The following LIMK2 variants were observed in gnomAD, a reference collection of about 807,000 sequenced individuals.
LIMK2 encodes the protein LIM domain kinase 2.
LIMK2 carries 35 observed loss-of-function variants against 75.7 expected under a neutral mutation model. The observed-to-expected ratio is 0.46, with a 90% confidence interval of 0.35 to 0.61. LIMK2 has a LOEUF of 0.61. Among genes scored for constraint, LIMK2 ranks in the 20% least tolerant of loss-of-function variants. The probability of loss-of-function intolerance (pLI) is 0.00; values close to 1 mark genes in which losing one functional copy is unlikely to be tolerated. For synonymous variants in LIMK2, 301 were observed against 319.2 expected (o/e 0.94, Z 0.61); for missense variants, 623 against 831.0 (o/e 0.75, Z 3.08).
At chr22:31,220,946 A>G (rs1270995383) in intron 1 of LIMK2, among the ~76,000 whole-genome samples, 1 of 152,244 alleles carries the variant, frequency 6.6e-6, no homozygotes, top group Non-Finnish European at 1.5e-5. Context: ...CCTGGGCAAC[A>G]AAAGCAAAAC....
chr22:31,247,841 C>T lies in LIMK2; in HGVS notation c.117-10450C>T, dbSNP rs558434764. On this transcript the variant is annotated intron_variant, in intron 2 of 15. Transcript: ENST00000331728. Reference sequence around the variant, plus strand: ...GGGCCTTGTTTCCTTATTTGCAACACAGCCCTGCCCTGGAGTGGAAGTGGC... The same window carrying T: ...GGGCCTTGTTTCCTTATTTGCAACATAGCCCTGCCCTGGAGTGGAAGTGGC... Among the ~76,000 whole-genome samples, 29 of 152,286 alleles carry T rather than the reference C, an allele frequency of 1.9e-4. No homozygotes were observed. In the South Asian group the frequency reaches 5.8e-3, roughly 30 times the overall value.
chr22:31,246,179 G>GCACACACACACACACACACACACACACA (rs1341395963), intron 2 of LIMK2, among the ~76,000 whole-genome samples: 161 of 69,804 alleles, frequency 2.3e-3, no homozygotes, highest in Non-Finnish European at 3.8e-3. Context: ...ACACACGCAC[G>GCACACACACACACACACACACACACACA]CACGCACACA....
intron 2 of LIMK2, among the ~76,000 whole-genome samples, chr22:31,238,881 C>T (rs1234368370): frequency 6.6e-6 from 1 of 152,138 alleles, no homozygotes; most frequent in Non-Finnish European, 1.5e-5. Context: ...CTTGAGATAT[C>T]CGAAGCATTT....
intron 12 of LIMK2, 147 bp downstream of exon 12, chr22:31,271,348 C>A: frequency 1.4e-6 from 1 of 695,990 alleles, no homozygotes; most frequent in Non-Finnish European, 2.6e-6. Context: ...TCTTCCAATG[C>A]CCTTCTCTGT....
At chr22:31,242,159 A>C (rs752868380) in intron 2 of LIMK2, among the ~76,000 whole-genome samples, 4 of 152,208 alleles carry the variant, frequency 2.6e-5, no homozygotes, top group Admixed American at 2.0e-4. Flanking sequence ...TGGAAATCCA[A>C]GATAAGGTCT....
At chr22:31,239,837 A>G (rs1456935232) in intron 2 of LIMK2, among the ~76,000 whole-genome samples, 3 of 152,110 alleles carry the variant, frequency 2.0e-5, no homozygotes, top group Non-Finnish European at 2.9e-5. Context: ...GACTCTTTGG[A>G]CACTTGAATA....
At chr22:31,274,873 T>C (rs2048997102) in intron 14 of LIMK2, among the ~76,000 whole-genome samples, 2 of 151,722 alleles carry the variant, frequency 1.3e-5, no homozygotes, top group Non-Finnish European at 2.9e-5. Flanking sequence ...CAAGGCAGGG[T>C]AGGATGAGTG....
At chr22:31,237,567 A>AG (rs995992743) in intron 2 of LIMK2, among the ~76,000 whole-genome samples, 1 of 152,006 alleles carries the variant, frequency 6.6e-6, no homozygotes, top group African/African-American at 2.4e-5. Flanking sequence ...AAAAAAAAAA[A>AG]AAGAAGAAAT....
At chr22:31,250,553 A>G (rs2048715230) in intron 2 of LIMK2, among the ~76,000 whole-genome samples, 1 of 149,886 alleles carries the variant, frequency 6.7e-6, no homozygotes, top group Admixed American at 6.6e-5. Flanking sequence ...TCTGGGGGGT[A>G]CTGACTGACT....
intron 7 of LIMK2, among the ~76,000 whole-genome samples, chr22:31,264,912 G>T (rs2048876539): frequency 6.6e-6 from 1 of 151,434 alleles, no homozygotes; most frequent in Non-Finnish European, 1.5e-5. Context: ...CAAAAATTAG[G>T]GCCGGGTGTG....
At chr22:31,276,672 G>A (rs2049024922) in intron 15 of LIMK2, 3 of 1,062,740 alleles carry the variant, frequency 2.8e-6, no homozygotes, top group Non-Finnish European at 3.4e-6. Flanking sequence ...ACGCGCGCAC[G>A]TGGCCCCGGA....
intron 1 of LIMK2, among the ~76,000 whole-genome samples, chr22:31,216,259 T>C (rs927668524): frequency 2.0e-5 from 3 of 152,126 alleles, no homozygotes; most frequent in African/African-American, 7.2e-5. Flanking sequence ...GAAGATGATA[T>C]CTTAGTAGGG....
At chr22:31,247,230 TCCAGCAG>T (rs66583267) in intron 2 of LIMK2, among the ~76,000 whole-genome samples, 36,762 of 151,876 alleles carry the variant, frequency 0.24, 6,379 homozygotes, top group African/African-American at 0.49. Context: ...TCTGGTTTCC[TCCAGCAG>T]CCTTGCTTTT....
chr22:31,227,391 C>A (rs1381008741), intron 2 of LIMK2, among the ~76,000 whole-genome samples: 1 of 152,206 alleles, frequency 6.6e-6, no homozygotes, highest in East Asian at 1.9e-4. Flanking sequence ...ACACTTGCCT[C>A]TTCCCTGGGA....
At chr22:31,219,739 T>G (rs2048418232) in intron 1 of LIMK2, among the ~76,000 whole-genome samples, 1 of 152,056 alleles carries the variant, frequency 6.6e-6, no homozygotes, top group Non-Finnish European at 1.5e-5. Flanking sequence ...GCCCGGCTAA[T>G]TTTTTGTATT....
chr22:31,231,653 T>C (rs997494330), intron 2 of LIMK2, among the ~76,000 whole-genome samples: 2 of 152,114 alleles, frequency 1.3e-5, no homozygotes, highest in African/African-American at 4.8e-5. Flanking sequence ...CTCTTTACTT[T>C]GAGAAGAGAG....
At chr22:31,239,213 A>G (rs901339368) in intron 2 of LIMK2, among the ~76,000 whole-genome samples, 1 of 152,270 alleles carries the variant, frequency 6.6e-6, no homozygotes, top group Non-Finnish European at 1.5e-5. Flanking sequence ...CAAACTGGCA[A>G]CTAAAGATCA....
At chr22:31,215,382 C>T (rs990822377) in intron 1 of LIMK2, among the ~76,000 whole-genome samples, 1 of 152,216 alleles carries the variant, frequency 6.6e-6, no homozygotes, top group African/African-American at 2.4e-5. Context: ...CCTGTGATGT[C>T]TGTGGCACTG....
chr22:31,216,208 G>A (rs1266687936), intron 1 of LIMK2, among the ~76,000 whole-genome samples: 2 of 152,202 alleles, frequency 1.3e-5, no homozygotes, highest in Non-Finnish European at 2.9e-5. Flanking sequence ...CTTGAAGTGG[G>A]TAAGACTTGA....
Sources: gnomAD v4.1 joint callset for allele counts (sites outside exome capture counted in the v4.1 genomes callset) on GRCh38, gnomAD v4.1.1 for gene constraint, MANE v1.5 for transcripts, NCBI Gene and HGNC (gene_info 2026-07-23, HGNC 2026-07-21) for gene names.